METTL13: variants seen among roughly 807,000 people sequenced by gnomAD.
METTL13 encodes the protein methyltransferase 13, eEF1A N-terminus and K55.
Under a neutral mutation model 67.4 loss-of-function variants are expected in METTL13, and 52 were observed. The ratio of observed to expected loss-of-function variants is 0.77; its 90% CI spans 0.62 to 0.97. The LOEUF is 0.97. Among genes scored for constraint, METTL13 ranks in the 50% least tolerant of loss-of-function variants. METTL13 has a pLI of 0.00. For missense variants in METTL13, 825 were observed against 889.6 expected, an observed-to-expected ratio of 0.93 and a Z score of 0.92; for synonymous variants, 354 against 353.6, an observed-to-expected ratio of 1.00 and a Z score of -0.01.
At chr1:171,794,800 A>G (rs1272700182) in intron 7 of METTL13, among the ~76,000 whole-genome samples, 1 of 150,990 alleles carries the variant, frequency 6.6e-6, no homozygotes, top group Admixed American at 6.6e-5. Context: ...TATAAATGGA[A>G]TCATATGGAA....
rs371747669 is a variant in METTL13, at chr1:171,796,574, C to T, written c.1918C>T (p.Arg640Trp). ...GGCAGTGTTCCCCCTCCTATATGTC[C>T]GGCGAATTGAGGGTGAAGTGAATGA... ...LKAVFPLLYV[R>W]RIEGEVNEIL... The change falls in exon 8 of 8, where the codon CGG (arginine) becomes TGG (tryptophan). Residue 640 changes from arginine to tryptophan, a missense_variant. By Grantham distance (101) the Arg-to-Trp change is moderately radical. Coordinates refer to ENST00000361735, the MANE Select transcript of METTL13 (RefSeq NM_015935.5). 4.6e-5 allele frequency: 75 copies of T among 1,614,048 alleles called. 1 individual carries two copies. The highest frequency in any genetic ancestry group is 4.0e-4 in the South Asian group (36 of 91,084).
chr1:171,787,557 C>G (rs972821444), intron 3 of METTL13, among the ~76,000 whole-genome samples, 178 bp from the exon 4 acceptor site: 2 of 152,130 alleles, frequency 1.3e-5, no homozygotes, highest in Non-Finnish European at 2.9e-5. Flanking sequence ...TGAATTAAAC[C>G]TTTGAGATCA....
At chr1:171,783,014 G>A (rs866491285) in intron 1 of METTL13, among the ~76,000 whole-genome samples, 1 of 151,128 alleles carries the variant, frequency 6.6e-6, no homozygotes, top group Non-Finnish European at 1.5e-5. Context: ...CAGGTGAGTG[G>A]CCATGCATAC....
Position 171,786,066 on chromosome 1 carries a change from C to T in METTL13, c.1101C>T (p.Pro367=). Residue 367 remains proline, a synonymous_variant, in exon 3 of 8, where the codon CCC becomes CCT. Coordinates refer to ENST00000361735, the MANE Select transcript of METTL13 (RefSeq NM_015935.5). ...RVMELAPAGM[P]TQQQVPFLSV... ...TGGAGCTGGCCCCAGCTGGGATGCC[C>T]ACCCAGCAGCAGGTAACAAAGCTTT... The T allele has an allele frequency of 6.2e-7, 1 of 1,612,672 alleles. No homozygotes were observed. The highest frequency in any genetic ancestry group is 8.5e-7 in the Non-Finnish European group (1 of 1,179,246).
At chr1:171,791,950 C>G (rs1397561204) in intron 5 of METTL13, 67 bp from the exon 6 acceptor site, 5 of 1,555,004 alleles carry the variant, frequency 3.2e-6, no homozygotes, top group Non-Finnish European at 4.4e-6. Context: ...CTTTTGCCTT[C>G]CCTGAGGCTG....
chr1:171,784,999 C>T (rs1201182282), intron 2 of METTL13, among the ~76,000 whole-genome samples: 1 of 152,194 alleles, frequency 6.6e-6, no homozygotes, highest in Non-Finnish European at 1.5e-5. Flanking sequence ...GCTCTGGAAC[C>T]AGACTGTTTG....
intron 2 of METTL13, among the ~76,000 whole-genome samples, chr1:171,784,966 T>C (rs1656963054): frequency 6.6e-6 from 1 of 152,180 alleles, no homozygotes. Context: ...AGAGGCAGCA[T>C]AGGGTAGCAG....
At chr1:171,791,842 A>G (rs780175639) in intron 5 of METTL13, among the ~76,000 whole-genome samples, 175 bp from the exon 6 acceptor site, 5 of 152,220 alleles carry the variant, frequency 3.3e-5, no homozygotes, top group Non-Finnish European at 7.3e-5. Context: ...TCCAGGATTC[A>G]GTTATCAGAT....
Position 171,785,907 on chromosome 1 carries a change from C to T in METTL13, c.942C>T (p.Leu314=), listed in dbSNP as rs1033618027. ...CTCAGGGCCGGGAGACCGAGTGGCT[C>T]TTTGGCATGGATGAGGGCCGGAAAC... ...IIPQGRETEW[L]FGMDEGRKQL... Residue 314 remains leucine (L), a synonymous_variant, in exon 3 of 8, where the codon CTC becomes CTT. Coordinates refer to ENST00000361735, the MANE Select transcript of METTL13 (RefSeq NM_015935.5). 11 of 1,613,266 alleles carry T rather than the reference C, an allele frequency of 6.8e-6. No individual in the cohort carries two copies. In the African/African-American group the frequency reaches 1.3e-4, roughly 20 times the overall value.
chr1:171,796,367 GTTT>G, intron 7 of METTL13, 112 bp from the exon 8 acceptor site: 2 of 1,281,660 alleles, frequency 1.6e-6, no homozygotes, highest in South Asian at 1.4e-5. Context: ...ACCACCGTGT[GTTT>G]TAGTCCACCA....
At chr1:171,790,294 G>A (rs568086955) in intron 4 of METTL13, among the ~76,000 whole-genome samples, 158 bp from the exon 5 acceptor site, 1 of 152,256 alleles carries the variant, frequency 6.6e-6, no homozygotes, top group East Asian at 1.9e-4. Flanking sequence ...ATTTCACTAC[G>A]GCCAGTTTCA....
At chr1:171,794,568 C>G (rs1416676804) in intron 7 of METTL13, 41 bp downstream of exon 7, 1 of 1,608,190 alleles carries the variant, frequency 6.2e-7, no homozygotes. Context: ...AGAGAAGGGA[C>G]CATTAACAAA....
At chr1:171,787,129 C>A (rs972947008) in intron 3 of METTL13, among the ~76,000 whole-genome samples, 1 of 151,914 alleles carries the variant, frequency 6.6e-6, no homozygotes, top group Non-Finnish European at 1.5e-5. Context: ...CTCACCAGTG[C>A]CTGAGTCTGC....
intron 6 of METTL13, 142 bp from the exon 7 acceptor site, chr1:171,794,254 T>C (rs2124906703): frequency 1.6e-6 from 2 of 1,267,316 alleles, no homozygotes; most frequent in East Asian, 2.5e-5. Flanking sequence ...TCAGTGCCCT[T>C]ACAGGCAAAC....
At chr1:171,786,257 G>A (rs1657006406) in intron 3 of METTL13, among the ~76,000 whole-genome samples, 179 bp downstream of exon 3, 1 of 152,214 alleles carries the variant, frequency 6.6e-6, no homozygotes, top group Non-Finnish European at 1.5e-5. Flanking sequence ...CAGGCAATGA[G>A]AGGAAAGTGA....
Position 171,787,818 on chromosome 1 carries a change from C to A in METTL13, c.1197C>A (p.Val399=). The change falls in exon 4 of 8, where the codon GTC becomes GTA. Residue 399 remains valine (V), a synonymous_variant. Coordinates refer to ENST00000361735, the MANE Select transcript of METTL13 (RefSeq NM_015935.5). ...GCAGCCCCTTGAGCGGTGACTATGTCATTGAGGATGTGCAAGGGGATGACA... is the reference window on the plus strand; with the variant it reads ...GCAGCCCCTTGAGCGGTGACTATGTAATTGAGGATGTGCAAGGGGATGACA... ...QDCSPLSGDY[V]IEDVQGDDKR... is the part of the protein sequence containing the mutation. 6.2e-7 allele frequency: 1 copy of A among 1,614,144 alleles called. No individual in the cohort carries two copies. The highest frequency in any genetic ancestry group is 8.5e-7 in the Non-Finnish European group (1 of 1,180,028).
In METTL13 at chr1:171,781,881, G is replaced by T; in HGVS notation, c.-87G>T. 1 of 1,572,672 alleles carries T rather than the reference G, an allele frequency of 6.4e-7. No individual in the cohort carries two copies. The highest frequency in any genetic ancestry group is 8.6e-7 in the Non-Finnish European group (1 of 1,158,966). ...GAAAGAATTCCCACTGCAGTGTCCC[G>T]GAGCCTGCGTGTGGTGGGCAAGCTC... is the stretch of plus-strand genomic sequence containing the variant. On this transcript the variant is annotated 5_prime_UTR_variant, in exon 1 of 8. Transcript: ENST00000361735.
intron 6 of METTL13, among the ~76,000 whole-genome samples, chr1:171,793,112 T>C (rs1370928878): frequency 6.6e-6 from 1 of 152,230 alleles, no homozygotes; most frequent in Non-Finnish European, 1.5e-5. Flanking sequence ...GGACTGCTGG[T>C]CTGCTCATTC....
chr1:171,788,622 G>A (rs1657104210), intron 4 of METTL13, among the ~76,000 whole-genome samples: 1 of 152,146 alleles, frequency 6.6e-6, no homozygotes, highest in African/African-American at 2.4e-5. Context: ...CTCCCCCGAT[G>A]GGGAATCAAT....
Sources: allele counts gnomAD v4.1 joint callset (sites outside exome capture counted in the v4.1 genomes callset), GRCh38; gene constraint gnomAD v4.1.1; transcripts MANE v1.5; gene names NCBI Gene and HGNC (gene_info 2026-07-23, HGNC 2026-07-21).